Variants in OTUD7A observed in about 807,000 individuals in gnomAD.
OTUD7A encodes OTU domain-containing protein 7A.
A neutral mutation model predicts 65.7 loss-of-function variants in OTUD7A; 12 were observed. The ratio of observed to expected loss-of-function variants is 0.18; its 90% CI spans 0.12 to 0.30. The LOEUF (loss-of-function observed/expected upper bound fraction) is 0.30, where lower values mean the gene tolerates loss of function less well. OTUD7A is among the 10% of genes least tolerant of loss of function. The pLI is 1.00. For synonymous variants in OTUD7A, 641 were observed against 586.3 expected, an observed-to-expected ratio of 1.09 and a Z score of -1.35; for missense variants, 1,148 against 1,304.8, an observed-to-expected ratio of 0.88 and a Z score of 1.85.
chr15:31,682,965 T>C (rs979063187), intron 1 of OTUD7A, among the ~76,000 whole-genome samples: 14 of 152,240 alleles, frequency 9.2e-5, no homozygotes, highest in Admixed American at 7.2e-4. Flanking sequence ...GAAGGGTGTC[T>C]AAGGGACATT....
chr15:31,586,703 C>T (rs1185857411), intron 3 of OTUD7A, among the ~76,000 whole-genome samples: 7 of 152,346 alleles, frequency 4.6e-5, no homozygotes, highest in Admixed American at 2.0e-4. Flanking sequence ...CCCACCACTC[C>T]CCTTACACCA....
intron 3 of OTUD7A, among the ~76,000 whole-genome samples, chr15:31,579,827 A>G (rs1293676111): frequency 6.6e-6 from 1 of 152,210 alleles, no homozygotes; most frequent in Non-Finnish European, 1.5e-5. Context: ...CACACTATAT[A>G]TATTATGTGT....
At position 31,484,454 on chromosome 15, in the gene OTUD7A, C is replaced by T. The variant is rs143552707; in HGVS notation, c.1642G>A (p.Gly548Ser). ...NMGGLGGLVHGKMGRANSANG... is the reference protein window; with the variant it reads ...NMGGLGGLVHSKMGRANSANG... Reference sequence around the variant, plus strand: ...GCGGAGTTGGCGCGGCCCATCTTGCCGTGCACCAGGCCGCCGAGGCCGCCC... The same window carrying T: ...GCGGAGTTGGCGCGGCCCATCTTGCTGTGCACCAGGCCGCCGAGGCCGCCC... The change falls in exon 13 of 13, where the codon GGC becomes AGC. Residue 548 changes from glycine (G) to serine (S), a missense_variant. Transcript: ENST00000307050. The surrounding 1 kb of genome is among the most constrained non-coding windows in gnomAD (Gnocchi z 4.5). 31 of 1,604,794 alleles carry T rather than the reference C, an allele frequency of 1.9e-5. No homozygotes were observed. Among genetic ancestry groups the T allele is most frequent in the Non-Finnish European group, 2.5e-5 (29 of 1,179,924 alleles).
At chr15:31,791,754 T>C (rs1895821104) in intron 1 of OTUD7A, among the ~76,000 whole-genome samples, 1 of 152,116 alleles carries the variant, frequency 6.6e-6, no homozygotes, top group Non-Finnish European at 1.5e-5. Flanking sequence ...TTCTGAAACA[T>C]GGCCTTCCTT....
intron 1 of OTUD7A, among the ~76,000 whole-genome samples, chr15:31,816,200 TGGTAACATCAAACCTTG>T (rs1282753672): frequency 6.6e-6 from 1 of 152,176 alleles, no homozygotes; most frequent in Non-Finnish European, 1.5e-5. Context: ...AATCACTCTG[TGGTAACATCAAACCTTG>T]GGTAGAGGGC....
At chr15:31,589,249 T>C (rs145668867) in intron 3 of OTUD7A, among the ~76,000 whole-genome samples, 1 of 152,180 alleles carries the variant, frequency 6.6e-6, no homozygotes, top group African/African-American at 2.4e-5. Context: ...CTTGGGATTC[T>C]CTTTAAAGAG....
At chr15:31,811,873 C>T (rs1896426307) in intron 1 of OTUD7A, among the ~76,000 whole-genome samples, 2 of 152,232 alleles carry the variant, frequency 1.3e-5, no homozygotes, top group Admixed American at 6.5e-5. Context: ...GAGCTGTACA[C>T]AGAGCAACAG....
At chr15:31,753,536 T>C (rs562160881) in intron 1 of OTUD7A, among the ~76,000 whole-genome samples, 38 of 151,804 alleles carry the variant, frequency 2.5e-4, no homozygotes, top group Admixed American at 1.4e-3. Context: ...CACTTATGCA[T>C]GATAACATAC....
At chr15:31,635,729 T>C (rs1251703250) in intron 3 of OTUD7A, among the ~76,000 whole-genome samples, 14 of 152,352 alleles carry the variant, frequency 9.2e-5, no homozygotes, top group Non-Finnish European at 4.4e-5. Flanking sequence ...AAATGTGACA[T>C]GTGAAACCCA....
At chr15:31,797,391 A>C (rs1181713375) in intron 1 of OTUD7A, among the ~76,000 whole-genome samples, 1 of 152,144 alleles carries the variant, frequency 6.6e-6, no homozygotes, top group African/African-American at 2.4e-5. Context: ...CAGTGAAGGG[A>C]ATGTAGACTG....
intron 3 of OTUD7A, among the ~76,000 whole-genome samples, chr15:31,595,146 G>A (rs1488679850): frequency 6.6e-6 from 1 of 152,164 alleles, no homozygotes; most frequent in Non-Finnish European, 1.5e-5. Context: ...TGTGCCCTGG[G>A]CCTGTGTGGC....
chr15:31,626,550 ACAATGTGTT>A (rs1339323975), intron 3 of OTUD7A, among the ~76,000 whole-genome samples: 1 of 152,158 alleles, frequency 6.6e-6, no homozygotes, highest in Non-Finnish European at 1.5e-5. Context: ...ATCCATTTGG[ACAATGTGTT>A]CATGGACTCA....
intron 1 of OTUD7A, among the ~76,000 whole-genome samples, chr15:31,731,687 G>C (rs902713218): frequency 3.3e-5 from 5 of 152,174 alleles, no homozygotes; most frequent in African/African-American, 1.2e-4. Flanking sequence ...GAACCCAGAT[G>C]TAAATCATGG....
rs2141065210 is a variant in OTUD7A, at chr15:31,487,108, C to A, written c.1371+86G>T. The A allele has an allele frequency of 7.5e-7, 1 of 1,336,990 alleles. No individual in the cohort carries two copies. Among genetic ancestry groups the A allele is most frequent in the Non-Finnish European group, 1.0e-6 (1 of 953,194 alleles). 82.8% of individuals were successfully genotyped at this position (1,336,990 alleles called of 1,614,324 possible). ...GCAGGGGCAGGCAAGAGTGTGGGAG[C>A]ATTTGGGAGGATGCACCCTGGTCAG... is the stretch of plus-strand genomic sequence containing the variant. On this transcript the variant is annotated intron_variant, in intron 12 of 12. Transcript: ENST00000307050. This position sits in a 1 kb window ranked among gnomAD's most constrained non-coding sequence, Gnocchi z 6.0.
At chr15:31,629,714 A>G (rs192853093) in intron 3 of OTUD7A, among the ~76,000 whole-genome samples, 66 of 152,270 alleles carry the variant, frequency 4.3e-4, no homozygotes, top group East Asian at 1.9e-3. Context: ...CTGTGAATCC[A>G]TCTGGTCCTG....
chr15:31,761,743 A>C (rs571268505), intron 1 of OTUD7A, among the ~76,000 whole-genome samples: 1 of 152,350 alleles, frequency 6.6e-6, no homozygotes, highest in South Asian at 2.1e-4. Flanking sequence ...ATTAGCCAAA[A>C]GTAGAAAAAC....
Position 31,487,135 on chromosome 15 carries a change from CTG to C in OTUD7A, c.1371+57_1371+58del, listed in dbSNP as rs1038472570. ...TTTGGGAGGATGCACCCTGGTCAGA[CTG>C]GAGCTGAGCAGCCTGGACCCTGCTG... On this transcript the variant is annotated intron_variant, in intron 12 of 12. Coordinates refer to ENST00000307050, the MANE Select transcript of OTUD7A (RefSeq NM_001382637.1). The surrounding 1 kb of genome is among the most constrained non-coding windows in gnomAD (Gnocchi z 6.0). 2 of 1,527,634 alleles carry C rather than the reference CTG, an allele frequency of 1.3e-6. No homozygotes were observed. The highest frequency in any genetic ancestry group is 9.0e-7 in the Non-Finnish European group (1 of 1,108,536). 94.6% of individuals were successfully genotyped at this position (1,527,634 alleles called of 1,614,324 possible).
At chr15:31,564,545 T>G (rs1888802216) in intron 4 of OTUD7A, among the ~76,000 whole-genome samples, 2 of 152,106 alleles carry the variant, frequency 1.3e-5, no homozygotes, top group South Asian at 4.2e-4. Flanking sequence ...TACATGTATT[T>G]TGCAGGGGAA....
chr15:31,489,819 AGGGCTGGAATGGACTCCTT>A (rs1452063222), intron 10 of OTUD7A, among the ~76,000 whole-genome samples: 1 of 152,208 alleles, frequency 6.6e-6, no homozygotes, highest in African/African-American at 2.4e-5. Flanking sequence ...CCTCAACAGC[AGGGCTGGAATGGACTCCTT>A]GGGCTGCCCA....
Sources: gnomAD v4.1 joint callset for allele counts (sites outside exome capture counted in the v4.1 genomes callset) on GRCh38, gnomAD v4.1.1 for gene constraint, Gnocchi (gnomAD v3.1) non-coding constraint, MANE v1.5 for transcripts, NCBI Gene and HGNC (gene_info 2026-07-23, HGNC 2026-07-21) for gene names.